The following MTMR9 variants were observed in gnomAD, a reference collection of about 807,000 sequenced individuals.
MTMR9 encodes the protein myotubularin-related protein 9.
A neutral mutation model predicts 69.5 loss-of-function variants in MTMR9; 39 were observed. The ratio of observed to expected loss-of-function variants is 0.56; its 90% CI spans 0.43 to 0.73. MTMR9 has a LOEUF of 0.73. Among genes scored for constraint, MTMR9 ranks in the 30% least tolerant of loss-of-function variants. The pLI, the probability that MTMR9 is intolerant of heterozygous loss-of-function variation, is 0.00. For missense variants in MTMR9, 900 were observed against 671.2 expected (o/e 1.34, Z -3.77); for synonymous variants, 354 against 240.8 (o/e 1.47, Z -4.35).
Position 11,324,403 on chromosome 8 carries a change from T to G in MTMR9, c.*1615T>G, listed in dbSNP as rs1800830957. On this transcript the variant is annotated 3_prime_UTR_variant, in exon 10 of 10. Transcript: ENST00000221086. ...AAGCTCAGTTTATTTTTGACTTACTTTCTTTGCTGTAGTTATGAACCTTGG... is the reference window on the plus strand; with the variant it reads ...AAGCTCAGTTTATTTTTGACTTACTGTCTTTGCTGTAGTTATGAACCTTGG... The G allele has an allele frequency of 6.6e-6, 1 of 152,254 alleles. No homozygotes were observed. The highest frequency in any genetic ancestry group is 6.5e-5 in the Admixed American group (1 of 15,292). 9.4% of individuals were successfully genotyped at this position (152,254 alleles called of 1,614,324 possible). A position where few individuals can be genotyped will look rare whatever the true frequency, so the allele number is the denominator to read the frequency against.
intron 7 of MTMR9, 142 bp from the exon 8 acceptor site, chr8:11,316,531 T>G: frequency 2.1e-6 from 1 of 481,558 alleles, no homozygotes; most frequent in Admixed American, 3.9e-5. Context: ...AAGAAATCAT[T>G]AATCTGTACA....
rs754685418 is a variant in MTMR9, at chr8:11,295,354, C to G, written c.291+52C>G. 3.1e-6 allele frequency: 3 copies of G among 979,784 alleles called. No homozygotes were observed. In the Admixed American group the frequency reaches 5.7e-5, roughly 19 times the overall value. The allele number at this position is 979,784 out of a possible 1,614,324, so 60.7% of individuals were successfully genotyped here. A position where few individuals can be genotyped will look rare whatever the true frequency, so the allele number is the denominator to read the frequency against. ...TGAAACATAATTTTATATTATGACT[C>G]AGTGTAGCTCTTCCATTTCTTCATT... On this transcript the variant is annotated intron_variant, in intron 2 of 9. Transcript: ENST00000221086.
At chr8:11,298,718 G>GCA (rs1554501113) in intron 2 of MTMR9, 6 of 798,986 alleles carry the variant, frequency 7.5e-6, no homozygotes, top group Non-Finnish European at 8.7e-6. Flanking sequence ...TTTCCCCGCT[G>GCA]CACCCCCCCC....
At chr8:11,334,198 C>T in the MTMR9 span, among the ~76,000 whole-genome samples, 1 of 152,002 alleles carries the variant, frequency 6.6e-6, no homozygotes, top group Admixed American at 6.6e-5. Flanking sequence ...GTTATAGTAG[C>T]AGAAAAATGG....
rs1457180277 is a variant in MTMR9 at position 11,316,816 on chromosome 8, G to C, written c.1257G>C (p.Glu419Asp). The change falls in exon 8 of 10, where the codon GAG (glutamate) becomes GAC (aspartate). Residue 419 changes from glutamate (E) to aspartate (D), a missense_variant. By Grantham distance (45) the Glu-to-Asp change is conservative (BLOSUM62 2). Transcript: ENST00000221086. ...RQFPCSFEFN[E>D]NFLIMLFEHA... ...TTCCCTGTTCTTTTGAGTTTAATGA[G>C]AATTTCCTCATCATGCTCTTTGAGC... 4.3e-6 allele frequency: 7 copies of C among 1,613,668 alleles called. No individual in the cohort carries two copies. Among genetic ancestry groups the C allele is most frequent in the Non-Finnish European group, 5.9e-6 (7 of 1,179,910 alleles).
At position 11,309,479 on chromosome 8, in the gene MTMR9, C is replaced by G. The variant is rs770882766; in HGVS notation, c.810-48C>G. 30 of 1,520,394 alleles carry G rather than the reference C, an allele frequency of 2.0e-5. No individual in the cohort carries two copies. In the South Asian group the frequency reaches 3.8e-4, roughly 19 times the overall value. 94.2% of individuals were successfully genotyped at this position (1,520,394 alleles called of 1,614,324 possible). A position where few individuals can be genotyped will look rare whatever the true frequency, so the allele number is the denominator to read the frequency against. On this transcript the variant is annotated intron_variant, in intron 5 of 9. Transcript: ENST00000221086. ...TGAATCTTTGGTTTGGTTTCTTTATCTTTCTATTTTCTGGGTTTGTTATTT... is the reference window on the plus strand; with the variant it reads ...TGAATCTTTGGTTTGGTTTCTTTATGTTTCTATTTTCTGGGTTTGTTATTT...
chr8:11,286,127 A>AT (rs1028221154), intron 1 of MTMR9, among the ~76,000 whole-genome samples: 2 of 150,622 alleles, frequency 1.3e-5, no homozygotes, highest in African/African-American at 2.4e-5. Context: ...TAATTTTTGT[A>AT]TTTTTTAGTA....
At chr8:11,303,525 T>G (rs988963307) in intron 3 of MTMR9, among the ~76,000 whole-genome samples, 2 of 152,148 alleles carry the variant, frequency 1.3e-5, no homozygotes, top group African/African-American at 4.8e-5. Flanking sequence ...ACTGTGTTTT[T>G]TTTAAATTAA....
In MTMR9 at chr8:11,323,702, A is replaced by G. The variant is rs141889352; in HGVS notation, c.*914A>G. The G allele has an allele frequency of 3.0e-4, 45 of 152,286 alleles. No individual in the cohort carries two copies. The highest frequency in any genetic ancestry group is 1.0e-3 in the African/African-American group (43 of 41,552). The allele number at this position is 152,286 out of a possible 1,614,324, so 9.4% of individuals were successfully genotyped here. A position where few individuals can be genotyped will look rare whatever the true frequency, so the allele number is the denominator to read the frequency against. On this transcript the variant is annotated 3_prime_UTR_variant, in exon 10 of 10. Transcript: ENST00000221086. ...TAAAGTTCTTATTGCACTGGTTTAT[A>G]TGTGTATGTGTGTTTTATTGTGTGT... is the stretch of plus-strand genomic sequence containing the variant.
At position 11,306,226 on chromosome 8, in the gene MTMR9, A is replaced by T; in HGVS notation, c.628A>T (p.Asn210Tyr). ...AAGTGGTCAGCCACTCACTGGTACAAACGGGAGGAGGTGCAAGGAGGACGA... is the reference window on the plus strand; with the variant it reads ...AAGTGGTCAGCCACTCACTGGTACATACGGGAGGAGGTGCAAGGAGGACGA... ...MRSGQPLTGT[N>Y]GRRCKEDEKL... Residue 210 changes from asparagine (N) to tyrosine (Y), a missense_variant, in exon 5 of 10, where the codon AAC becomes TAC. Physicochemically the swap from Asn to Tyr is moderately radical, Grantham distance 143. Transcript: ENST00000221086. The T allele has an allele frequency of 6.2e-7, 1 of 1,613,528 alleles. No homozygotes were observed. Among genetic ancestry groups the T allele is most frequent in the Non-Finnish European group, 8.5e-7 (1 of 1,179,934 alleles).
chr8:11,309,413 T>A, intron 5 of MTMR9, 114 bp from the exon 6 acceptor site: 1 of 796,478 alleles, frequency 1.3e-6, no homozygotes, highest in Non-Finnish European at 2.0e-6. Flanking sequence ...AATATTTTTA[T>A]AGTATTTTGA....
At chr8:11,328,404 A>C (rs1801044346), downstream of MTMR9, among the ~76,000 whole-genome samples, 1 of 151,554 alleles carries the variant, frequency 6.6e-6, no homozygotes, top group Non-Finnish European at 1.5e-5. Flanking sequence ...GAAACATCCG[A>C]GTTAGCTGCA....
chr8:11,295,127 A>G, intron 1 of MTMR9, 67 bp from the exon 2 acceptor site: 1 of 835,704 alleles, frequency 1.2e-6, no homozygotes. Context: ...CTCTTTTCAA[A>G]GAAATAATAA....
At chr8:11,287,841 ATTTT>A (rs1799226509) in intron 1 of MTMR9, among the ~76,000 whole-genome samples, 1 of 122,864 alleles carries the variant, frequency 8.1e-6, no homozygotes, top group African/African-American at 3.4e-5. Flanking sequence ...AACATTATAT[ATTTT>A]ATTATATATG....
At chr8:11,331,049 G>A (rs554557827), downstream of MTMR9, 2 of 1,539,874 alleles carry the variant, frequency 1.3e-6, no homozygotes, top group East Asian at 4.5e-5. Flanking sequence ...ACAATGGCTG[G>A]AGCTCTGAGG....
rs3808510 is a variant in MTMR9 at position 11,305,282 on chromosome 8, T to C, written c.591+268T>C. Among the ~76,000 whole-genome samples the C allele has an allele frequency of 0.015, 2,217 of 152,318 alleles. 94 individuals carry two copies. The East Asian group carries it at 0.16, about 11-fold the overall frequency. On this transcript the variant is annotated intron_variant, in intron 4 of 9. Coordinates refer to ENST00000221086, the MANE Select transcript of MTMR9 (RefSeq NM_015458.4). ...CAGGACACTATACAAAGGAAACTAG[T>C]GTTTATTTGATGCTTACAGCAACAT...
intron 8 of MTMR9, chr8:11,317,652 C>G (rs1800484461): frequency 6.6e-6 from 1 of 152,318 alleles, no homozygotes; most frequent in African/African-American, 2.4e-5. Context: ...GCCTAAATTA[C>G]AGGTCTTCCT....
chr8:11,315,144 G>A (rs1800363125), intron 7 of MTMR9, 80 bp downstream of exon 7: 4 of 1,515,542 alleles, frequency 2.6e-6, no homozygotes, highest in Non-Finnish European at 3.6e-6. Context: ...GACATAATGT[G>A]TGAAATTTCG....
At chr8:11,305,526 A>G (rs564891015) in intron 4 of MTMR9, among the ~76,000 whole-genome samples, 62 of 152,348 alleles carry the variant, frequency 4.1e-4, no homozygotes, top group Middle Eastern at 3.4e-3. Context: ...GCGTCTTGAA[A>G]GAACTCTAAA....
Sources: gnomAD v4.1 joint callset for allele counts (sites outside exome capture counted in the v4.1 genomes callset) on GRCh38, gnomAD v4.1.1 for gene constraint, MANE v1.5 for transcripts, NCBI Gene and HGNC (gene_info 2026-07-23, HGNC 2026-07-21) for gene names.